RERE: variants seen among roughly 807,000 people sequenced by gnomAD.
RERE encodes the protein arginine-glutamic acid dipeptide repeats protein.
Under a neutral mutation model 146.1 loss-of-function variants are expected in RERE, and 40 were observed. The observed-to-expected ratio is 0.27, with a 90% confidence interval of 0.21 to 0.36. The LOEUF (loss-of-function observed/expected upper bound fraction) is 0.36, where lower values mean the gene tolerates loss of function less well. RERE is among the 10% of genes least tolerant of loss of function. The pLI is 1.00. For synonymous variants in RERE, 1,003 were observed against 866.0 expected, an observed-to-expected ratio of 1.16 and a Z score of -2.78; for missense variants, 1,933 against 2,138.7, an observed-to-expected ratio of 0.90 and a Z score of 1.90.
intron 12 of RERE, among the ~76,000 whole-genome samples, chr1:8,402,283 T>C (rs1643288747): frequency 6.6e-6 from 1 of 152,162 alleles, no homozygotes; most frequent in Non-Finnish European, 1.5e-5. Flanking sequence ...CAGGTTTCCA[T>C]CCCAGTCGAG....
intron 2 of RERE, among the ~76,000 whole-genome samples, chr1:8,638,068 T>C (rs1647124285): frequency 6.6e-6 from 1 of 152,232 alleles, no homozygotes; most frequent in South Asian, 2.1e-4. Context: ...TGGATGACTT[T>C]AGCATTCTAT....
intron 12 of RERE, among the ~76,000 whole-genome samples, chr1:8,393,930 AGG>A (rs1642968135): frequency 2.0e-5 from 3 of 152,232 alleles, no homozygotes; most frequent in Admixed American, 1.3e-4. Context: ...TTCAGATGAT[AGG>A]AGCTCAAGGC....
At chr1:8,386,546 C>G (rs1208799336) in intron 12 of RERE, among the ~76,000 whole-genome samples, 2 of 150,710 alleles carry the variant, frequency 1.3e-5, no homozygotes, top group African/African-American at 4.9e-5. Flanking sequence ...ACTGAACATA[C>G]ATTATTTAAG....
At position 8,486,549 on chromosome 1, in the gene RERE, T is replaced by G. The variant is rs750754379; in HGVS notation, c.1104+8514A>C. Among the ~76,000 whole-genome samples the G allele has an allele frequency of 3.6e-4, 54 of 151,794 alleles. No homozygotes were observed. In the Middle Eastern group the frequency reaches 0.01, roughly 29 times the overall value. ...TTGTGGTAAAATCAGCTATTTAACA[T>G]CCCACTTTAGAAAGCTAGGAGGAAA... On this transcript the variant is annotated intron_variant, in intron 10 of 22. Transcript: ENST00000400908.
At chr1:8,667,052 T>C (rs1638591288) in intron 1 of RERE, among the ~76,000 whole-genome samples, 1 of 152,202 alleles carries the variant, frequency 6.6e-6, no homozygotes, top group Non-Finnish European at 1.5e-5. Flanking sequence ...ATAAACCCTT[T>C]AATGAGGACT....
chr1:8,646,423 T>C (rs1647309603), intron 2 of RERE, among the ~76,000 whole-genome samples: 1 of 152,102 alleles, frequency 6.6e-6, no homozygotes, highest in African/African-American at 2.4e-5. Flanking sequence ...TTCCAGCTAC[T>C]TGAGAGGCTG....
intron 1 of RERE, among the ~76,000 whole-genome samples, chr1:8,767,880 C>T (rs1640877842): frequency 1.3e-5 from 2 of 152,034 alleles, no homozygotes; most frequent in Non-Finnish European, 2.9e-5. Context: ...GCAGGAGAAT[C>T]ACTTGAACCT....
At chr1:8,641,674 C>A (rs1396282245) in intron 2 of RERE, among the ~76,000 whole-genome samples, 3 of 152,186 alleles carry the variant, frequency 2.0e-5, no homozygotes, top group African/African-American at 7.2e-5. Context: ...CAAAGAAGGT[C>A]TTCTGAAGGC....
chr1:8,465,412 C>T (rs1644582232), intron 11 of RERE: 1 of 270,904 alleles, frequency 3.7e-6, no homozygotes, highest in Non-Finnish European at 7.3e-6. Flanking sequence ...CCAAGCCAAG[C>T]ATGGTAGAGC....
chr1:8,370,090 A>G, intron 12 of RERE, among the ~76,000 whole-genome samples: 1 of 152,060 alleles, frequency 6.6e-6, no homozygotes, highest in Non-Finnish European at 1.5e-5. Context: ...GTGCCCAGCC[A>G]GAAACTATTC....
intron 1 of RERE, among the ~76,000 whole-genome samples, chr1:8,690,962 A>G (rs577663996): frequency 8.0e-4 from 122 of 152,140 alleles, no homozygotes; most frequent in Admixed American, 2.2e-3. Context: ...CAGTGGTGCA[A>G]TCTCGGCTTA....
chr1:8,772,065 C>T (rs1452439345), intron 1 of RERE, among the ~76,000 whole-genome samples: 2 of 151,528 alleles, frequency 1.3e-5, no homozygotes, highest in Non-Finnish European at 1.5e-5. Context: ...ATCTATATAC[C>T]CAATTTTGTA....
rs2124080393 is a variant in RERE, at chr1:8,585,734, A to G, written c.523-28211T>C. 1.3e-5 allele frequency among the ~76,000 whole-genome samples: 2 copies of G among 152,336 alleles called. 1 individual carries two copies. The highest frequency in any genetic ancestry group is 4.1e-4 in the South Asian group (2 of 4,828). ...AGGTTTAAGAATACTCCAATGTATT[A>G]TTTGAAAACTGGGTAAATAAACGGA... On this transcript the variant is annotated intron_variant, in intron 4 of 22. Coordinates refer to ENST00000400908, the MANE Select transcript of RERE (RefSeq NM_001042681.2).
At position 8,513,224 on chromosome 1, in the gene RERE, T is replaced by A. The variant is rs1362215607; in HGVS notation, c.831-4549A>T. 2.0e-5 allele frequency among the ~76,000 whole-genome samples: 3 copies of A among 152,244 alleles called. No homozygotes were observed. In the East Asian group the frequency reaches 5.8e-4, roughly 29 times the overall value. On this transcript the variant is annotated intron_variant, in intron 7 of 22. Transcript: ENST00000400908. ...TAAATTTTTGAAAACTTTCAAAATATTGATTTAAAAATAGCAATAAGCCCA... is the reference window on the plus strand; with the variant it reads ...TAAATTTTTGAAAACTTTCAAAATAATGATTTAAAAATAGCAATAAGCCCA...
At chr1:8,704,060 C>T (rs1456807378) in intron 1 of RERE, among the ~76,000 whole-genome samples, 1 of 152,138 alleles carries the variant, frequency 6.6e-6, no homozygotes, top group Non-Finnish European at 1.5e-5. Flanking sequence ...CATTCCTTAC[C>T]ATGTGGCTTT....
At chr1:8,710,479 A>G (rs12125525) in intron 1 of RERE, among the ~76,000 whole-genome samples, 37,602 of 152,160 alleles carry the variant, frequency 0.25, 5,173 homozygotes, top group Non-Finnish European at 0.31. Context: ...ACCTTCCTTC[A>G]TGTTTTACTT....
In RERE at chr1:8,669,019, C is replaced by A. The variant is rs867304903; in HGVS notation, c.-144-12578G>T. Among the ~76,000 whole-genome samples, 100 of 26,310 alleles carry A rather than the reference C, an allele frequency of 3.8e-3. 2 individuals are homozygous for A. The highest frequency in any genetic ancestry group is 0.014 in the African/African-American group (93 of 6,462). The allele number at this position is 26,310 out of a possible 152,430, so 17.3% of individuals were successfully genotyped here. On this transcript the variant is annotated intron_variant, in intron 1 of 22. Transcript: ENST00000400908. ...TTCTGTGAATATTCTAAAATGCACTCAACTCTGTGTGTGTGTGTGTGTGTG... is the reference window on the plus strand; with the variant it reads ...TTCTGTGAATATTCTAAAATGCACTAAACTCTGTGTGTGTGTGTGTGTGTG...
intron 12 of RERE, chr1:8,380,732 AAGG>A: frequency 2.5e-6 from 1 of 402,836 alleles, no homozygotes; most frequent in Non-Finnish European, 4.9e-6. Flanking sequence ...CTCAGCAATG[AAGG>A]AGAACAGAAA....
chr1:8,778,798 T>C (rs1215391314), intron 1 of RERE, among the ~76,000 whole-genome samples: 1 of 151,914 alleles, frequency 6.6e-6, no homozygotes, highest in East Asian at 1.9e-4. Flanking sequence ...ATCATGCCAC[T>C]GTGACCTTGT....
Sources: gnomAD v4.1 joint callset for allele counts (sites outside exome capture counted in the v4.1 genomes callset) on GRCh38, gnomAD v4.1.1 for gene constraint, MANE v1.5 for transcripts, NCBI Gene and HGNC (gene_info 2026-07-23, HGNC 2026-07-21) for gene names.